Variants in EHMT1 observed in about 807,000 individuals in gnomAD.
EHMT1 encodes histone-lysine N-methyltransferase EHMT1.
Under a neutral mutation model 147.2 loss-of-function variants are expected in EHMT1, and 15 were observed. That is an observed-to-expected ratio of 0.10 (90% CI 0.07 to 0.16). The LOEUF is 0.16. Among genes scored for constraint, EHMT1 ranks in the 10% least tolerant of loss-of-function variants. The pLI is 1.00. For missense variants in EHMT1, 1,587 were observed against 1,772.4 expected (o/e 0.90, Z 1.88); for synonymous variants, 795 against 709.6 (o/e 1.12, Z -1.91).
chr9:137,758,515 G>A (rs1949556270), intron 9 of EHMT1, among the ~76,000 whole-genome samples: 1 of 152,234 alleles, frequency 6.6e-6, no homozygotes, highest in South Asian at 2.1e-4. Context: ...TGTTGTGCCA[G>A]AAGTTGTCCG....
chr9:137,799,785 A>C (rs887381764), intron 17 of EHMT1, among the ~76,000 whole-genome samples: 1 of 152,246 alleles, frequency 6.6e-6, no homozygotes, highest in Non-Finnish European at 1.5e-5. Context: ...TGGAAGCAGC[A>C]GCGTCTGTGA....
chr9:137,697,661 G>T (rs975891879), intron 1 of EHMT1, among the ~76,000 whole-genome samples: 1 of 152,152 alleles, frequency 6.6e-6, no homozygotes, highest in Non-Finnish European at 1.5e-5. Context: ...TATGTTGATA[G>T]AATATTCATT....
intron 21 of EHMT1, among the ~76,000 whole-genome samples, chr9:137,814,072 GCCCCCC>G (rs1954729994): frequency 1.3e-4 from 2 of 15,368 alleles, no homozygotes; most frequent in African/African-American, 5.6e-4. Flanking sequence ...CCCCCCCCCC[GCCCCCC>G]GCCCCACAAG....
intron 1 of EHMT1, among the ~76,000 whole-genome samples, chr9:137,660,834 A>T (rs1349133693): frequency 6.6e-6 from 1 of 152,168 alleles, no homozygotes; most frequent in South Asian, 2.1e-4. Flanking sequence ...GCTTCTCTTT[A>T]ATTACAGCAG....
At chr9:137,655,789 G>A (rs746922452) in intron 1 of EHMT1, among the ~76,000 whole-genome samples, 15 of 152,178 alleles carry the variant, frequency 9.9e-5, no homozygotes, top group Admixed American at 3.9e-4. Context: ...TGAGAATCTA[G>A]CGTCTGAAGA....
chr9:137,625,929 C>T (rs1208286253), intron 1 of EHMT1, among the ~76,000 whole-genome samples: 26 of 151,184 alleles, frequency 1.7e-4, no homozygotes, highest in Non-Finnish European at 8.8e-5. Context: ...GATCTCGGCT[C>T]ACTGCAACCT....
At chr9:137,716,040 A>T (rs1013628753) in intron 2 of EHMT1, among the ~76,000 whole-genome samples, 1 of 144,190 alleles carries the variant, frequency 6.9e-6, no homozygotes, top group Non-Finnish European at 1.5e-5. Flanking sequence ...AGGGGGAGGA[A>T]ATTGTGTTGG....
At chr9:137,769,824 CTTTCCTTTTCCT>C (rs143804694) in intron 10 of EHMT1, among the ~76,000 whole-genome samples, 19 of 151,516 alleles carry the variant, frequency 1.3e-4, no homozygotes, top group Admixed American at 9.9e-4. Flanking sequence ...CACTTTTTTT[CTTTCCTTTTCCT>C]TTTCCTTTTC....
At chr9:137,734,496 G>A (rs1451847502) in intron 4 of EHMT1, among the ~76,000 whole-genome samples, 1 of 152,176 alleles carries the variant, frequency 6.6e-6, no homozygotes, top group Non-Finnish European at 1.5e-5. Context: ...GGACCTGTGG[G>A]CATCATCAGG....
intron 16 of EHMT1, among the ~76,000 whole-genome samples, chr9:137,796,781 AATACATGC>A (rs72044550): frequency 0.32 from 48,250 of 149,164 alleles, 8,061 homozygotes; most frequent in Admixed American, 0.42. Context: ...CAGAAAAAGA[AATACATGC>A]ATATGACCAA....
At chr9:137,631,957 G>A (rs1334135408) in intron 1 of EHMT1, among the ~76,000 whole-genome samples, 3 of 152,174 alleles carry the variant, frequency 2.0e-5, no homozygotes, top group Non-Finnish European at 4.4e-5. Context: ...TTTGTAGTAG[G>A]GTAGTGCACT....
chr9:137,719,044 C>T (rs772368165), intron 3 of EHMT1, among the ~76,000 whole-genome samples: 2 of 152,068 alleles, frequency 1.3e-5, no homozygotes, highest in African/African-American at 2.4e-5. Context: ...TGAGCCACCG[C>T]GCCCGGCCTG....
chr9:137,635,007 A>G (rs2133697358), intron 1 of EHMT1, among the ~76,000 whole-genome samples: 1 of 150,584 alleles, frequency 6.6e-6, no homozygotes, highest in African/African-American at 2.4e-5. Flanking sequence ...GGTGTGAGCC[A>G]CTGCGCCCGG....
chr9:137,684,166 G>C (rs1942220869), intron 1 of EHMT1, among the ~76,000 whole-genome samples: 1 of 151,982 alleles, frequency 6.6e-6, no homozygotes, highest in African/African-American at 2.4e-5. Context: ...CTCTTGAGTA[G>C]CTGGGACAGG....
chr9:137,765,525 T>G (rs1327175613), intron 10 of EHMT1, among the ~76,000 whole-genome samples: 6 of 152,200 alleles, frequency 3.9e-5, no homozygotes, highest in East Asian at 1.9e-4. Context: ...TAAATTAAAT[T>G]AAATGAAACG....
In EHMT1 at chr9:137,834,931, C is replaced by T; in HGVS notation, c.3875C>T (p.Ala1292Val). 3 of 1,529,410 alleles carry T rather than the reference C, an allele frequency of 2.0e-6. No homozygotes were observed. Among genetic ancestry groups the T allele is most frequent in the South Asian group, 2.5e-5 (2 of 81,366 alleles). The allele number at this position is 1,529,410 out of a possible 1,614,324, so 94.7% of individuals were successfully genotyped here. Residue 1292 changes from alanine (A) to valine (V), a missense_variant, in exon 27 of 27, where the codon GCG becomes GTG. Coordinates refer to ENST00000460843, the MANE Select transcript of EHMT1 (RefSeq NM_024757.5). ...QEDGLPDTSS[A>V]AAADPL ...GACGGCTTGCCCGACACCAGCTCCG[C>T]GGCTGCCGCCGACCCCCTATGAGAC...
At chr9:137,814,189 T>C (rs1954741621) in intron 21 of EHMT1, 2 of 603,014 alleles carry the variant, frequency 3.3e-6, no homozygotes, top group Non-Finnish European at 6.0e-6. Context: ...CACTGCCGCG[T>C]CGCTGCCCTG....
intron 1 of EHMT1, among the ~76,000 whole-genome samples, chr9:137,694,144 C>T (rs1312458755): frequency 9.0e-6 from 1 of 111,714 alleles, no homozygotes; most frequent in Non-Finnish European, 1.8e-5. Context: ...GGACGCTGGC[C>T]GATACCCCCA....
chr9:137,675,730 G>T (rs1262154136), intron 1 of EHMT1, among the ~76,000 whole-genome samples: 1 of 145,474 alleles, frequency 6.9e-6, no homozygotes, highest in Non-Finnish European at 1.5e-5. Context: ...TCCTGCCTCA[G>T]CCTCCTAAGT....
Sources: gnomAD v4.1 joint callset for allele counts (sites outside exome capture counted in the v4.1 genomes callset) on GRCh38, gnomAD v4.1.1 for gene constraint, MANE v1.5 for transcripts, NCBI Gene and HGNC (gene_info 2026-07-23, HGNC 2026-07-21) for gene names.